Variants in KCTD8 observed in about 807,000 individuals in gnomAD.
KCTD8 encodes the protein BTB/POZ domain-containing protein KCTD8.
Under a neutral mutation model 31.5 loss-of-function variants are expected in KCTD8, and 27 were observed. That is an observed-to-expected ratio of 0.86 (90% CI 0.63 to 1.18). KCTD8 has a LOEUF of 1.18. Among genes scored for constraint, KCTD8 ranks in the 50% most tolerant of loss-of-function variants. The probability of loss-of-function intolerance (pLI) is 0.00; values close to 1 mark genes in which losing one functional copy is unlikely to be tolerated. For missense variants in KCTD8, 658 were observed against 647.7 expected (o/e 1.02, Z -0.17); for synonymous variants, 290 against 280.0 (o/e 1.04, Z -0.36).
chr4:44,291,475 C>T (rs377571459), intron 1 of KCTD8, among the ~76,000 whole-genome samples: 1 of 151,994 alleles, frequency 6.6e-6, no homozygotes, highest in African/African-American at 2.4e-5. Flanking sequence ...TCATGTTATA[C>T]AAAAATTAAC....
chr4:44,302,258 G>C (rs561240004), intron 1 of KCTD8, among the ~76,000 whole-genome samples: 1 of 152,216 alleles, frequency 6.6e-6, no homozygotes, highest in East Asian at 1.9e-4. Flanking sequence ...TGTGAAGAAA[G>C]TCATTGGTAG....
chr4:44,333,165 T>C (rs1284534266), intron 1 of KCTD8, among the ~76,000 whole-genome samples: 7 of 151,716 alleles, frequency 4.6e-5, no homozygotes, highest in Admixed American at 2.0e-4. Flanking sequence ...TCATAGAATA[T>C]ACAGGCACAA....
rs1186072124 is a variant in KCTD8 at position 44,242,932 on chromosome 4, A to AATGTCATGCTT, written c.962-67693_962-67683dup. The stretch of plus-strand genomic sequence containing the variant: ...CTGTCCCAGAAGCCAAGCAGATGAC[A>AATGTCATGCTT]ATGTCATGCTTGTACAACCTGAAGA... On this transcript the variant is annotated intron_variant, in intron 1 of 1. Transcript: ENST00000360029. 5.3e-5 allele frequency among the ~76,000 whole-genome samples: 8 copies of AATGTCATGCTT among 152,274 alleles called. No individual in the cohort carries two copies. In the South Asian group the frequency reaches 1.7e-3, roughly 32 times the overall value.
At chr4:44,228,168 A>G (rs1228285463) in intron 1 of KCTD8, among the ~76,000 whole-genome samples, 1 of 152,150 alleles carries the variant, frequency 6.6e-6, no homozygotes, top group Non-Finnish European at 1.5e-5. Flanking sequence ...TACTTAGAAT[A>G]ACAGAAAATT....
intron 1 of KCTD8, among the ~76,000 whole-genome samples, chr4:44,430,842 C>T (rs1428556578): frequency 1.3e-5 from 2 of 151,660 alleles, no homozygotes; most frequent in African/African-American, 4.8e-5. Context: ...TTAGACTCAC[C>T]TTTTACTCCA....
chr4:44,193,144 A>T (rs558667349), intron 1 of KCTD8, among the ~76,000 whole-genome samples: 1 of 152,314 alleles, frequency 6.6e-6, no homozygotes, highest in Non-Finnish European at 1.5e-5. Context: ...TAGTAATAAA[A>T]TAAGTACAAT....
At chr4:44,314,147 C>T (rs551866107) in intron 1 of KCTD8, among the ~76,000 whole-genome samples, 1 of 152,110 alleles carries the variant, frequency 6.6e-6, no homozygotes, top group Non-Finnish European at 1.5e-5. Context: ...AATGATATTA[C>T]CCCAAGGTCT....
At position 44,174,699 on chromosome 4, in the gene KCTD8, A is replaced by G. The variant is rs188704722; in HGVS notation, c.*91T>C. 56 of 940,404 alleles carry G rather than the reference A, an allele frequency of 6.0e-5. 1 individual carries two copies. The highest frequency in any genetic ancestry group is 3.6e-4 in the East Asian group (15 of 41,558). The allele number at this position is 940,404 out of a possible 1,614,324, so 58.3% of individuals were successfully genotyped here. A position where few individuals can be genotyped will look rare whatever the true frequency, so the allele number is the denominator to read the frequency against. On this transcript the variant is annotated 3_prime_UTR_variant, in exon 2 of 2. Coordinates refer to ENST00000360029, the MANE Select transcript of KCTD8 (RefSeq NM_198353.3). Reference sequence around the variant, plus strand: ...TTCACAACAAGGAAGAGCAGCAAGAATCACACTGACCATTGTTAGGACATC... The same window carrying G: ...TTCACAACAAGGAAGAGCAGCAAGAGTCACACTGACCATTGTTAGGACATC...
At chr4:44,267,117 A>G (rs1716402910) in intron 1 of KCTD8, among the ~76,000 whole-genome samples, 1 of 152,160 alleles carries the variant, frequency 6.6e-6, no homozygotes, top group Non-Finnish European at 1.5e-5. Context: ...CACCACACCT[A>G]TTCCAAAATT....
At chr4:44,389,512 G>T (rs547839469) in intron 1 of KCTD8, among the ~76,000 whole-genome samples, 1 of 151,688 alleles carries the variant, frequency 6.6e-6, no homozygotes, top group Non-Finnish European at 1.5e-5. Context: ...GATTCCATAT[G>T]ATTCCATTCA....
intron 1 of KCTD8, among the ~76,000 whole-genome samples, chr4:44,342,506 C>T (rs967020617): frequency 4.6e-5 from 7 of 152,018 alleles, no homozygotes; most frequent in South Asian, 2.1e-4. Flanking sequence ...ATAGAGCACA[C>T]GTCAAGTATA....
chr4:44,401,146 C>A (rs1226381295), intron 1 of KCTD8, among the ~76,000 whole-genome samples: 1 of 150,850 alleles, frequency 6.6e-6, no homozygotes, highest in Non-Finnish European at 1.5e-5. Context: ...AATCACCATG[C>A]CCAGCCAATT....
At chr4:44,211,203 C>T (rs1476641350) in intron 1 of KCTD8, among the ~76,000 whole-genome samples, 2 of 152,094 alleles carry the variant, frequency 1.3e-5, no homozygotes, top group African/African-American at 2.4e-5. Context: ...ATATCACAAA[C>T]AATGGTTATC....
At chr4:44,188,305 T>C (rs1250957012) in intron 1 of KCTD8, among the ~76,000 whole-genome samples, 4 of 152,208 alleles carry the variant, frequency 2.6e-5, no homozygotes, top group Admixed American at 1.3e-4. Flanking sequence ...AAGGCATATA[T>C]GTGCATAGCA....
intron 1 of KCTD8, among the ~76,000 whole-genome samples, chr4:44,391,849 T>A: frequency 6.6e-6 from 1 of 152,098 alleles, no homozygotes; most frequent in Middle Eastern, 3.4e-3. Context: ...TAGACAAAGT[T>A]AATCCACGTG....
At chr4:44,299,106 T>C (rs1297195305) in intron 1 of KCTD8, among the ~76,000 whole-genome samples, 14 of 152,214 alleles carry the variant, frequency 9.2e-5, no homozygotes, top group Non-Finnish European at 7.3e-5. Flanking sequence ...ATCCCAATTA[T>C]AGAAGTGAAT....
In KCTD8 at chr4:44,447,564, G is replaced by A; in HGVS notation, c.960C>T (p.Phe320=). The A allele has an allele frequency of 6.4e-7, 1 of 1,555,256 alleles. No individual in the cohort carries two copies. The highest frequency in any genetic ancestry group is 2.3e-5 in the East Asian group (1 of 42,726). Residue 320 remains phenylalanine (F), a splice_region_variant and synonymous_variant, in exon 1 of 2, where the codon TTC becomes TTT. Coordinates refer to ENST00000360029, the MANE Select transcript of KCTD8 (RefSeq NM_198353.3). ...GAAACGCCGGGGCTGCGAACTTACG[G>A]AAGAAAATGTACTCGGTGTAGCTGC... is the stretch of plus-strand genomic sequence containing the variant. The part of the protein sequence containing the change: ...IWSSYTEYIF[F]RPPQKIVSPK...
chr4:44,250,954 G>T (rs901664362), intron 1 of KCTD8, among the ~76,000 whole-genome samples: 11 of 151,362 alleles, frequency 7.3e-5, no homozygotes, highest in Non-Finnish European at 1.6e-4. Flanking sequence ...TTTCCTTCAT[G>T]GCTGCGTTTT....
At chr4:44,182,199 C>T (rs1028034760) in intron 1 of KCTD8, among the ~76,000 whole-genome samples, 16 of 151,448 alleles carry the variant, frequency 1.1e-4, no homozygotes, top group Middle Eastern at 3.6e-3. Context: ...CCGGCCGACC[C>T]GTCCGGGAGG....
Sources: allele counts gnomAD v4.1 joint callset (sites outside exome capture counted in the v4.1 genomes callset), GRCh38; gene constraint gnomAD v4.1.1; transcripts MANE v1.5; gene names NCBI Gene and HGNC (gene_info 2026-07-23, HGNC 2026-07-21).